The following ITGB6 variants were observed in gnomAD, a reference collection of about 807,000 sequenced individuals.
ITGB6 encodes integrin beta-6.
Under a neutral mutation model 84.5 loss-of-function variants are expected in ITGB6, and 80 were observed. The observed-to-expected ratio is 0.95, with a 90% CI of 0.79 to 1.14. ITGB6 has a LOEUF of 1.14. Among genes scored for constraint, ITGB6 ranks in the 50% most tolerant of loss-of-function variants. ITGB6 has a pLI of 0.00. For missense variants in ITGB6, 1,006 were observed against 968.0 expected (o/e 1.04, Z -0.52); for synonymous variants, 383 against 354.9 (o/e 1.08, Z -0.89).
intron 13 of ITGB6, among the ~76,000 whole-genome samples, chr2:160,111,568 A>G (rs1366321841): frequency 6.7e-6 from 1 of 149,420 alleles, no homozygotes; most frequent in Non-Finnish European, 1.5e-5. Context: ...CAGGAAGATG[A>G]TGACTGCTGC....
intron 1 of ITGB6, among the ~76,000 whole-genome samples, chr2:160,199,713 G>T (rs1292390773): frequency 6.6e-6 from 1 of 152,148 alleles, no homozygotes; most frequent in East Asian, 1.9e-4. Flanking sequence ...AAATAGAAAA[G>T]TTTCAAAAAT....
Position 160,137,717 on chromosome 2 carries a change from T to C in ITGB6, c.1377A>G (p.Glu459=). Residue 459 remains glutamate (E), a synonymous_variant, in exon 10 of 15, where the codon GAA becomes GAG. Transcript: ENST00000283249. ...GACATTTGGAGCTGTTCACTTCCAC[T>C]TCTTTCTGACAGTCGCAGTTGCATT... ...SPECNCDCQK[E]VEVNSSKCHH... 1 of 1,614,196 alleles carries C rather than the reference T, an allele frequency of 6.2e-7. No individual in the cohort carries two copies. The highest frequency in any genetic ancestry group is 8.5e-7 in the Non-Finnish European group (1 of 1,180,024).
intron 4 of ITGB6, among the ~76,000 whole-genome samples, chr2:160,178,242 T>C (rs1685512759): frequency 6.6e-6 from 1 of 152,254 alleles, no homozygotes; most frequent in Non-Finnish European, 1.5e-5. Flanking sequence ...AAAATGGGAA[T>C]GATCATAATA....
chr2:160,134,432 C>G (rs1263782567), intron 10 of ITGB6, among the ~76,000 whole-genome samples: 2 of 152,004 alleles, frequency 1.3e-5, no homozygotes, highest in Non-Finnish European at 2.9e-5. Context: ...CAACCAAAAA[C>G]AGTCCAGGAC....
chr2:160,184,609 A>C (rs1353376770), intron 4 of ITGB6, among the ~76,000 whole-genome samples: 3 of 152,178 alleles, frequency 2.0e-5, no homozygotes, highest in Admixed American at 2.0e-4. Flanking sequence ...AAAAGAGGGA[A>C]TCCTCCCTAA....
At chr2:160,115,330 G>A (rs908044071) in intron 12 of ITGB6, among the ~76,000 whole-genome samples, 9 of 152,264 alleles carry the variant, frequency 5.9e-5, no homozygotes, top group East Asian at 5.8e-4. Context: ...CAGCATTTGC[G>A]GTTCACCAAG....
At chr2:160,196,599 A>G (rs1465572569) in intron 2 of ITGB6, among the ~76,000 whole-genome samples, 179 bp from the exon 3 acceptor site, 2 of 152,186 alleles carry the variant, frequency 1.3e-5, no homozygotes, top group Non-Finnish European at 2.9e-5. Flanking sequence ...GTGAATAACC[A>G]GAGAATTCTG....
chr2:160,162,126 A>T (rs1684840834), intron 7 of ITGB6, among the ~76,000 whole-genome samples: 1 of 152,226 alleles, frequency 6.6e-6, no homozygotes, highest in Non-Finnish European at 1.5e-5. Flanking sequence ...GAACCAATAG[A>T]TAAATTCTCT....
intron 7 of ITGB6, among the ~76,000 whole-genome samples, chr2:160,167,575 G>A (rs1452094792): frequency 6.6e-6 from 1 of 152,164 alleles, no homozygotes; most frequent in African/African-American, 2.4e-5. Flanking sequence ...CAAAATCGAT[G>A]TCCTGCTGTT....
Position 160,195,378 on chromosome 2 carries a change from T to G in ITGB6, c.584A>C (p.Asn195Thr). 1 of 1,614,074 alleles carries G rather than the reference T, an allele frequency of 6.2e-7. No individual in the cohort carries two copies. Among genetic ancestry groups the G allele is most frequent in the Non-Finnish European group, 8.5e-7 (1 of 1,179,974 alleles). Residue 195 changes from asparagine to threonine, a missense_variant, in exon 4 of 15, where the codon AAC becomes ACC. By Grantham distance (65) the Asn-to-Thr change is moderately conservative. Coordinates refer to ENST00000283249, the MANE Select transcript of ITGB6 (RefSeq NM_000888.5). ...AGAATCATTTACTTACCTGCAAGGG[T>G]TGGCAATTTCTTCTGGTGTTGTTTT... ...FVKTTPEEIA[N>T]PCSSIPYFCL...
chr2:160,143,875 C>A (rs1684092341), intron 7 of ITGB6, among the ~76,000 whole-genome samples: 1 of 152,140 alleles, frequency 6.6e-6, no homozygotes. Flanking sequence ...GTGCCCCGGG[C>A]ACTTGCTAGA....
rs537385666 is a variant in ITGB6, at chr2:160,184,870, G to A, written c.593+10499C>T. Among the ~76,000 whole-genome samples, 4 of 152,162 alleles carry A rather than the reference G, an allele frequency of 2.6e-5. No homozygotes were observed. The South Asian group carries it at 8.3e-4, about 32-fold the overall frequency. ...AATCCATCGCATAAACAGAACCAAA[G>A]ACAAAAATCACATGATTATCTCAAT... On this transcript the variant is annotated intron_variant, in intron 4 of 14. Coordinates refer to ENST00000283249, the MANE Select transcript of ITGB6 (RefSeq NM_000888.5).
intron 7 of ITGB6, among the ~76,000 whole-genome samples, chr2:160,157,879 C>T (rs1684684816): frequency 6.6e-6 from 1 of 151,988 alleles, no homozygotes; most frequent in Non-Finnish European, 1.5e-5. Context: ...TAGGGGCGGA[C>T]TGGGTTTGCT....
At chr2:160,136,306 A>G (rs1281994881) in intron 10 of ITGB6, among the ~76,000 whole-genome samples, 1 of 152,250 alleles carries the variant, frequency 6.6e-6, no homozygotes, top group African/African-American at 2.4e-5. Context: ...AAAAATGCTC[A>G]TCATCACTGG....
At chr2:160,123,696 A>G (rs1340583709) in intron 12 of ITGB6, 95 bp downstream of exon 12, 9 of 862,322 alleles carry the variant, frequency 1.0e-5, no homozygotes, top group Non-Finnish European at 7.6e-6. Flanking sequence ...AAATAAGGTC[A>G]AGCTACTAAA....
Position 160,131,072 on chromosome 2 carries a change from TAAC to T in ITGB6, c.1661-4474_1661-4472del, listed in dbSNP as rs370387887. Among the ~76,000 whole-genome samples the T allele has an allele frequency of 1.2e-3, 178 of 151,814 alleles. 1 individual carries two copies. The highest frequency in any genetic ancestry group is 3.8e-3 in the African/African-American group (159 of 41,396). ...TTATCTAGAGTACTGGTTCATACAA[TAAC>T]AACAACAACAACAACAAAACTGTCA... On this transcript the variant is annotated intron_variant, in intron 10 of 14. Coordinates refer to ENST00000283249, the MANE Select transcript of ITGB6 (RefSeq NM_000888.5).
chr2:160,138,214 T>C lies in ITGB6; in HGVS notation c.1108-15A>G. 3 of 1,587,928 alleles carry C rather than the reference T, an allele frequency of 1.9e-6. No individual in the cohort carries two copies. The highest frequency in any genetic ancestry group is 2.6e-6 in the Non-Finnish European group (3 of 1,170,924). Reference sequence around the variant, plus strand: ...GACCGCAGTTCCTTTAGTTACAACATAAAGAGTTCAGTGAAGTCACAACCC... The same window carrying C: ...GACCGCAGTTCCTTTAGTTACAACACAAAGAGTTCAGTGAAGTCACAACCC... On this transcript the variant is annotated splice_polypyrimidine_tract_variant and intron_variant, in intron 8 of 14. Coordinates refer to ENST00000283249, the MANE Select transcript of ITGB6 (RefSeq NM_000888.5).
At chr2:160,196,180 A>AT (rs1686325090) in intron 3 of ITGB6, 36 bp downstream of exon 3, 7 of 1,528,556 alleles carry the variant, frequency 4.6e-6, no homozygotes, top group Non-Finnish European at 6.3e-6. Flanking sequence ...CATATATGAC[A>AT]TTAGATCTAT....
In ITGB6 at chr2:160,120,997, A is replaced by G. The variant is rs1331418033; in HGVS notation, c.1981+2794T>C. 4.0e-5 allele frequency among the ~76,000 whole-genome samples: 6 copies of G among 151,386 alleles called. 1 individual carries two copies. The highest frequency in any genetic ancestry group is 5.9e-5 in the Non-Finnish European group (4 of 67,886). The stretch of plus-strand genomic sequence containing the variant: ...AATGGGTGCAGCACACCAACATGGC[A>G]CATGTATACATATGTAACAAACCTG... On this transcript the variant is annotated intron_variant, in intron 12 of 14. Coordinates refer to ENST00000283249, the MANE Select transcript of ITGB6 (RefSeq NM_000888.5).
Sources: allele counts gnomAD v4.1 joint callset (sites outside exome capture counted in the v4.1 genomes callset), GRCh38; gene constraint gnomAD v4.1.1; transcripts MANE v1.5; gene names NCBI Gene and HGNC (gene_info 2026-07-23, HGNC 2026-07-21).